DDC: variants seen among roughly 807,000 people sequenced by gnomAD.
The protein encoded by DDC is aromatic-L-amino-acid decarboxylase.
A neutral mutation model predicts 60.0 loss-of-function variants in DDC; 43 were observed. That is an observed-to-expected ratio of 0.72 (90% CI 0.56 to 0.92). The LOEUF is 0.92. DDC is among the 40% of genes least tolerant of loss of function. The probability of loss-of-function intolerance (pLI) is 0.00; values close to 1 mark genes in which losing one functional copy is unlikely to be tolerated. For missense variants in DDC, 573 were observed against 620.2 expected (o/e 0.92, Z 0.81); for synonymous variants, 232 against 234.6 (o/e 0.99, Z 0.10).
rs1459204987 is a variant in DDC, at chr7:50,510,842, G to A, written c.715-6783C>T. Among the ~76,000 whole-genome samples, 7 of 151,374 alleles carry A rather than the reference G, an allele frequency of 4.6e-5. No individual in the cohort carries two copies. In the East Asian group the frequency reaches 5.8e-4, roughly 13 times the overall value. On this transcript the variant is annotated intron_variant, in intron 6 of 14. Coordinates refer to ENST00000444124, the MANE Select transcript of DDC (RefSeq NM_001082971.2). ...TAAAAATACAAAAAATTAGCTGGGCGCGGTGGTGGGCGCCTGTAGTCCCAG... is the reference window on the plus strand; with the variant it reads ...TAAAAATACAAAAAATTAGCTGGGCACGGTGGTGGGCGCCTGTAGTCCCAG...
chr7:50,544,121 A>G lies in DDC; in HGVS notation c.-28-8T>C, dbSNP rs756425123. The G allele has an allele frequency of 1.2e-6, 2 of 1,605,930 alleles. No homozygotes were observed. The highest frequency in any genetic ancestry group is 2.2e-5 in the South Asian group (2 of 90,920). On this transcript the variant is annotated splice_polypyrimidine_tract_variant and splice_region_variant and intron_variant, in intron 1 of 14. Coordinates refer to ENST00000444124, the MANE Select transcript of DDC (RefSeq NM_001082971.2). ...CTCTGTCAGAGGTGAAAACTGCAGA[A>G]AGAAAATGATTCAGTGAGCAAATTT...
At position 50,463,099 on chromosome 7, in the gene DDC, C is replaced by T. The variant is rs1017871354; in HGVS notation, c.*18+114G>A. On this transcript the variant is annotated intron_variant, in intron 14 of 14. Transcript: ENST00000444124. ...TCCTTATTTTAAGGTGAGGGAAATG[C>T]ACTCTGGCAGCATTGAGTGGCCGGG... The T allele has an allele frequency of 4.8e-6, 4 of 827,976 alleles. No homozygotes were observed. In the African/African-American group the frequency reaches 6.7e-5, roughly 14 times the overall value. 51.3% of individuals were successfully genotyped at this position (827,976 alleles called of 1,614,324 possible).
chr7:50,557,771 C>T (rs1030564635), intron 1 of DDC, among the ~76,000 whole-genome samples: 2 of 152,146 alleles, frequency 1.3e-5, no homozygotes, highest in African/African-American at 2.4e-5. Context: ...GATATTAATT[C>T]CCCAGTGGAA....
At chr7:50,529,440 T>C (rs2044135644) in intron 4 of DDC, 98 bp from the exon 5 acceptor site, 1 of 1,470,552 alleles carries the variant, frequency 6.8e-7, no homozygotes, top group Admixed American at 1.7e-5. Flanking sequence ...CATAGTTTTC[T>C]TAAAATATGA....
intron 6 of DDC, chr7:50,527,844 A>T: frequency 2.9e-6 from 1 of 341,386 alleles, no homozygotes; most frequent in Non-Finnish European, 5.6e-6. Context: ...TACACTGTGG[A>T]ATTGACTTGA....
At chr7:50,502,840 A>T (rs982182175) in intron 7 of DDC, among the ~76,000 whole-genome samples, 2 of 151,882 alleles carry the variant, frequency 1.3e-5, no homozygotes, top group South Asian at 4.2e-4. Context: ...TTATTTTATG[A>T]GCACAAGTGG....
intron 4 of DDC, among the ~76,000 whole-genome samples, chr7:50,536,131 A>C (rs10239830): frequency 6.6e-6 from 1 of 152,052 alleles, no homozygotes; most frequent in African/African-American, 2.4e-5. Flanking sequence ...TGAAGGACAG[A>C]CAGAACTCAA....
chr7:50,562,351 C>T (rs2045360022), intron 1 of DDC, among the ~76,000 whole-genome samples: 1 of 152,240 alleles, frequency 6.6e-6, no homozygotes, highest in South Asian at 2.1e-4. Flanking sequence ...GATTAGGCCC[C>T]ATCTGCACAG....
intron 11 of DDC, among the ~76,000 whole-genome samples, chr7:50,471,752 G>C (rs1354227174): frequency 6.6e-6 from 1 of 152,198 alleles, no homozygotes; most frequent in Non-Finnish European, 1.5e-5. Context: ...GGTCAGCACT[G>C]TTTGCAAGCT....
chr7:50,507,707 A>AT lies in DDC; in HGVS notation c.715-3649dup, dbSNP rs200802937. 7.5e-3 allele frequency among the ~76,000 whole-genome samples: 1,147 copies of AT among 152,094 alleles called. 21 individuals are homozygous for AT. The highest frequency in any genetic ancestry group is 0.027 in the African/African-American group (1,102 of 41,478). On this transcript the variant is annotated intron_variant, in intron 6 of 14. Transcript: ENST00000444124. ...TTCTTAGATTCTTATGTAATTACTG[A>AT]TTTTTTTTGTTCTGAGTATGAAACA...
intron 6 of DDC, among the ~76,000 whole-genome samples, chr7:50,506,209 G>A (rs142918146): frequency 0.019 from 2,895 of 152,340 alleles, 31 homozygotes; most frequent in Middle Eastern, 0.061. Context: ...TGAGTGGTCA[G>A]GGCAGGAGGA....
At chr7:50,467,885 C>T (rs1416021351) in intron 12 of DDC, among the ~76,000 whole-genome samples, 2 of 152,254 alleles carry the variant, frequency 1.3e-5, no homozygotes, top group South Asian at 2.1e-4. Context: ...GCTCCTCCTC[C>T]GCGTTTGCCA....
chr7:50,510,583 C>T (rs1352627191), intron 6 of DDC, among the ~76,000 whole-genome samples: 1 of 148,462 alleles, frequency 6.7e-6, no homozygotes, highest in East Asian at 2.0e-4. Context: ...GCAGGAGAAT[C>T]ACTTGAACCT....
At chr7:50,459,632 G>A (rs1285158414) in intron 14 of DDC, 5 of 169,276 alleles carry the variant, frequency 3.0e-5, no homozygotes, top group African/African-American at 7.3e-5. Context: ...TGTGAGGAGC[G>A]CCTCTACCCG....
At chr7:50,557,328 A>G (rs2045218215) in intron 1 of DDC, among the ~76,000 whole-genome samples, 1 of 152,368 alleles carries the variant, frequency 6.6e-6, no homozygotes, top group South Asian at 2.1e-4. Flanking sequence ...CCATGGAAAG[A>G]TGCTACTTCC....
At chr7:50,492,690 CAAATGG>C in intron 9 of DDC, 1 of 269,822 alleles carries the variant, frequency 3.7e-6, no homozygotes, top group Non-Finnish European at 5.0e-6. Context: ...GGAAATTTTC[CAAATGG>C]CCTTTTCCAA....
Position 50,537,840 on chromosome 7 carries a change from C to T in DDC, c.435+20G>A. 6.2e-7 allele frequency: 1 copy of T among 1,614,138 alleles called. No individual in the cohort carries two copies. The highest frequency in any genetic ancestry group is 8.5e-7 in the Non-Finnish European group (1 of 1,180,022). ...AGAGCCCATGCATCCCAAAAGTGGC[C>T]CTCACAGCTCCCACCTTACCTGGAT... On this transcript the variant is annotated intron_variant, in intron 4 of 14. Coordinates refer to ENST00000444124, the MANE Select transcript of DDC (RefSeq NM_001082971.2).
intron 1 of DDC, among the ~76,000 whole-genome samples, chr7:50,549,902 G>C (rs1267064904): frequency 6.6e-6 from 1 of 152,216 alleles, no homozygotes; most frequent in African/African-American, 2.4e-5. Flanking sequence ...TCATGGATGA[G>C]CAAAGACATC....
intron 6 of DDC, among the ~76,000 whole-genome samples, chr7:50,510,668 C>CAAA (rs71018473): frequency 1.7e-4 from 17 of 99,654 alleles, no homozygotes; most frequent in African/African-American, 4.7e-4. Flanking sequence ...GACTCCATCT[C>CAAA]AAAAAAAAAA....
Sources: gnomAD v4.1 joint callset for allele counts (sites outside exome capture counted in the v4.1 genomes callset) on GRCh38, gnomAD v4.1.1 for gene constraint, MANE v1.5 for transcripts, NCBI Gene and HGNC (gene_info 2026-07-23, HGNC 2026-07-21) for gene names.